Variants in RNF38 observed in about 807,000 individuals in gnomAD.
RNF38 encodes the protein ring finger protein 38, also known as E3 ubiquitin-protein ligase RNF38.
A neutral mutation model predicts 67.2 loss-of-function variants in RNF38; 15 were observed. The ratio of observed to expected loss-of-function variants is 0.22; its 90% CI spans 0.15 to 0.34. The LOEUF is 0.34. Ranked by LOEUF, RNF38 falls within the 10% of genes least tolerant of loss-of-function variation. The pLI is 1.00. For synonymous variants in RNF38, 220 were observed against 218.8 expected (o/e 1.01, Z -0.05); for missense variants, 524 against 639.9 (o/e 0.82, Z 1.95).
chr9:36,378,169 CTTTTTTTTTTTTTT>C (rs35057784), intron 2 of RNF38, among the ~76,000 whole-genome samples: 1 of 114,880 alleles, frequency 8.7e-6, no homozygotes, highest in Non-Finnish European at 1.7e-5. Context: ...TTAACACTGA[CTTTTTTTTTTTTTT>C]TTTTTTTTTG....
intron 2 of RNF38, among the ~76,000 whole-genome samples, chr9:36,414,969 T>C (rs1485991080): frequency 1.3e-5 from 2 of 152,222 alleles, no homozygotes; most frequent in Admixed American, 1.3e-4. Flanking sequence ...CTAACAGTTC[T>C]TAAGGTTCTT....
chr9:36,374,815 G>C (rs1026002536), intron 3 of RNF38, among the ~76,000 whole-genome samples: 1 of 152,108 alleles, frequency 6.6e-6, no homozygotes, highest in South Asian at 2.1e-4. Flanking sequence ...GCTGGGTAAG[G>C]GTCCTAACCT....
At chr9:36,400,451 A>G (rs1837929077), upstream of RNF38, 3 of 1,064,820 alleles carry the variant, frequency 2.8e-6, no homozygotes, top group Non-Finnish European at 3.4e-6. Flanking sequence ...CGGGCGGCCG[A>G]GGCAAACCTT....
At chr9:36,414,718 C>T (rs902197540) in intron 2 of RNF38, among the ~76,000 whole-genome samples, 5 of 151,708 alleles carry the variant, frequency 3.3e-5, no homozygotes, top group Non-Finnish European at 7.4e-5. Flanking sequence ...ATTTAGAACT[C>T]CTTTTAGCAG....
intron 2 of RNF38, among the ~76,000 whole-genome samples, chr9:36,376,953 A>G (rs1225505254): frequency 1.3e-5 from 2 of 151,084 alleles, no homozygotes; most frequent in Non-Finnish European, 3.0e-5. Flanking sequence ...AAAAAGTTAC[A>G]TGGATAAAAT....
chr9:36,430,743 G>T (rs1246965811), intron 1 of RNF38, among the ~76,000 whole-genome samples: 3 of 151,834 alleles, frequency 2.0e-5, no homozygotes, highest in African/African-American at 7.3e-5. Flanking sequence ...GGCGGCGGGG[G>T]TGCGGTTTCC....
At chr9:36,409,185 CAAGA>C (rs1222907997) in intron 2 of RNF38, among the ~76,000 whole-genome samples, 4 of 137,876 alleles carry the variant, frequency 2.9e-5, no homozygotes, top group Non-Finnish European at 4.6e-5. Flanking sequence ...AGACTGTCTC[CAAGA>C]AAGAAAGAGA....
chr9:36,390,423 G>C, intron 2 of RNF38, 44 bp downstream of exon 2: 1 of 1,531,054 alleles, frequency 6.5e-7, no homozygotes, highest in East Asian at 2.4e-5. Flanking sequence ...ACTGTAGAAT[G>C]TGACTTTCAG....
intron 9 of RNF38, among the ~76,000 whole-genome samples, chr9:36,349,715 C>T (rs769574505): frequency 5.3e-5 from 8 of 152,128 alleles, no homozygotes; most frequent in Non-Finnish European, 1.2e-4. Flanking sequence ...TATCGAGGAG[C>T]TTTTCCCCTG....
upstream of RNF38, chr9:36,400,524 G>C: frequency 1.0e-6 from 1 of 992,936 alleles, no homozygotes; most frequent in Non-Finnish European, 1.2e-6. Context: ...CCGCCCTCGC[G>C]CTGCAGCCAA....
At chr9:36,377,600 A>G (rs1446464795) in intron 2 of RNF38, among the ~76,000 whole-genome samples, 2 of 151,984 alleles carry the variant, frequency 1.3e-5, no homozygotes, top group Non-Finnish European at 2.9e-5. Flanking sequence ...TACTAACCTT[A>G]TTTTCTCCCT....
At chr9:36,417,053 C>G (rs533700813) in intron 2 of RNF38, among the ~76,000 whole-genome samples, 1 of 152,100 alleles carries the variant, frequency 6.6e-6, no homozygotes, top group Non-Finnish European at 1.5e-5. Context: ...GGAGCCACCG[C>G]GCCTGGCCTT....
At chr9:36,432,725 G>A (rs1464072106) in intron 1 of RNF38, among the ~76,000 whole-genome samples, 1 of 151,922 alleles carries the variant, frequency 6.6e-6, no homozygotes, top group East Asian at 1.9e-4. Context: ...CCCAGGAGGC[G>A]GAGGCTGCAG....
At chr9:36,435,654 T>C (rs1346279528) in intron 1 of RNF38, among the ~76,000 whole-genome samples, 1 of 149,294 alleles carries the variant, frequency 6.7e-6, no homozygotes, top group Non-Finnish European at 1.5e-5. Flanking sequence ...GGAGTCTCGC[T>C]CTGTCGCCCA....
chr9:36,469,374 C>T (rs1172458127), intron 1 of RNF38, among the ~76,000 whole-genome samples: 1 of 151,184 alleles, frequency 6.6e-6, no homozygotes, highest in Non-Finnish European at 1.5e-5. Flanking sequence ...AAATAATGTT[C>T]AAGGGCCAGG....
At chr9:36,358,111 T>G (rs529105419) in intron 4 of RNF38, among the ~76,000 whole-genome samples, 169 bp from the exon 5 acceptor site, 8 of 152,284 alleles carry the variant, frequency 5.3e-5, no homozygotes, top group Admixed American at 4.6e-4. Context: ...AGGGGAGAGT[T>G]GACTATTTCA....
intron 3 of RNF38, among the ~76,000 whole-genome samples, chr9:36,374,154 C>G (rs1246200276): frequency 3.9e-5 from 6 of 152,110 alleles, no homozygotes; most frequent in African/African-American, 1.4e-4. Flanking sequence ...TAAAAACATT[C>G]CCATGTAATT....
intron 1 of RNF38, among the ~76,000 whole-genome samples, chr9:36,451,771 AT>A (rs1230276241): frequency 2.0e-5 from 3 of 151,522 alleles, no homozygotes; most frequent in African/African-American, 7.3e-5. Context: ...AAGTGCTGGG[AT>A]TACAGGCATT....
chr9:36,346,963 CAA>C (rs1356948783), intron 9 of RNF38, among the ~76,000 whole-genome samples: 1 of 151,730 alleles, frequency 6.6e-6, no homozygotes. Flanking sequence ...ACTAAAATTA[CAA>C]AAAAATTAGA....
Sources: allele counts gnomAD v4.1 joint callset (sites outside exome capture counted in the v4.1 genomes callset), GRCh38; gene constraint gnomAD v4.1.1; transcripts MANE v1.5; gene names NCBI Gene and HGNC (gene_info 2026-07-23, HGNC 2026-07-21).